The following PARD3B variants were observed in gnomAD, a reference collection of about 807,000 sequenced individuals.
PARD3B encodes the protein par-3 family cell polarity regulator beta, also known as partitioning defective 3 homolog B.
Under a neutral mutation model 130.2 loss-of-function variants are expected in PARD3B, and 103 were observed. The observed-to-expected ratio is 0.79, with a 90% CI of 0.67 to 0.93. The LOEUF (loss-of-function observed/expected upper bound fraction) is 0.93. Ranked by LOEUF, PARD3B falls within the 40% of genes least tolerant of loss-of-function variation. The pLI, the probability that PARD3B is intolerant of heterozygous loss-of-function variation, is 0.00. For missense variants in PARD3B, 1,609 were observed against 1,499.2 expected (o/e 1.07, Z -1.21); for synonymous variants, 583 against 553.2 (o/e 1.05, Z -0.76).
At chr2:204,680,139 G>A (rs1217121914) in intron 1 of PARD3B, among the ~76,000 whole-genome samples, 2 of 151,808 alleles carry the variant, frequency 1.3e-5, no homozygotes, top group Non-Finnish European at 2.9e-5. Flanking sequence ...TAAAAGATTG[G>A]CATTATTTGT....
intron 3 of PARD3B, among the ~76,000 whole-genome samples, chr2:204,977,076 T>C (rs1001879252): frequency 4.6e-5 from 7 of 152,184 alleles, no homozygotes; most frequent in African/African-American, 7.2e-5. Context: ...TTCAGACTTA[T>C]AAGTTAAATG....
At chr2:204,874,695 C>G (rs116023557) in intron 2 of PARD3B, among the ~76,000 whole-genome samples, 1,544 of 152,178 alleles carry the variant, frequency 0.01, 21 homozygotes, top group African/African-American at 0.034. Flanking sequence ...AGAGACGTAG[C>G]TGTTTTTCAT....
At chr2:204,919,872 A>G (rs2047597982) in intron 2 of PARD3B, among the ~76,000 whole-genome samples, 1 of 152,158 alleles carries the variant, frequency 6.6e-6, no homozygotes. Flanking sequence ...GAAAGGTTTT[A>G]GAAACATTTC....
intron 19 of PARD3B, among the ~76,000 whole-genome samples, chr2:205,419,285 T>C (rs752309320): frequency 2.3e-4 from 35 of 151,026 alleles, no homozygotes; most frequent in Non-Finnish European, 5.0e-4. Flanking sequence ...TTCTCTCTCT[T>C]TGCTGGCCAC....
chr2:205,308,604 C>CAAAAAAAAAAAAAAAAA (rs5837965), intron 18 of PARD3B, among the ~76,000 whole-genome samples: 1 of 113,284 alleles, frequency 8.8e-6, no homozygotes, highest in Non-Finnish European at 1.8e-5. Context: ...GACTCCGTCT[C>CAAAAAAAAAAAAAAAAA]AAAAAAAAAA....
At chr2:205,030,784 A>G (rs993862293) in intron 3 of PARD3B, among the ~76,000 whole-genome samples, 8 of 152,254 alleles carry the variant, frequency 5.3e-5, no homozygotes, top group African/African-American at 1.4e-4. Flanking sequence ...AAATTGTTTC[A>G]TGGCCACAGA....
chr2:205,093,086 C>T (rs1351916359), intron 4 of PARD3B, among the ~76,000 whole-genome samples: 1 of 152,074 alleles, frequency 6.6e-6, no homozygotes, highest in Admixed American at 6.5e-5. Context: ...AGCTGGCTGG[C>T]AACTTCGAAT....
chr2:205,004,895 A>C (rs1695128486), intron 3 of PARD3B, among the ~76,000 whole-genome samples: 2 of 152,132 alleles, frequency 1.3e-5, no homozygotes, highest in South Asian at 2.1e-4. Flanking sequence ...ATACTCTAGC[A>C]GTCCCTCTGC....
intron 3 of PARD3B, among the ~76,000 whole-genome samples, chr2:205,024,266 C>A (rs1382452478): frequency 6.8e-6 from 1 of 146,100 alleles, no homozygotes; most frequent in Non-Finnish European, 1.5e-5. Flanking sequence ...CTCCTGGGTA[C>A]AAGTGATTCT....
intron 3 of PARD3B, among the ~76,000 whole-genome samples, chr2:204,989,191 C>T (rs947825215): frequency 6.6e-5 from 10 of 152,126 alleles, no homozygotes; most frequent in Non-Finnish European, 1.2e-4. Context: ...GACGATTTTT[C>T]AAAGGAAGTG....
intron 1 of PARD3B, among the ~76,000 whole-genome samples, chr2:204,566,528 G>A (rs13024480): frequency 0.12 from 17,869 of 151,806 alleles, 1,409 homozygotes; most frequent in Non-Finnish European, 0.18. Flanking sequence ...CTACAACAAC[G>A]TTTGTCTTAT....
At chr2:205,304,164 G>T (rs1270313785) in intron 18 of PARD3B, among the ~76,000 whole-genome samples, 1 of 152,136 alleles carries the variant, frequency 6.6e-6, no homozygotes, top group Non-Finnish European at 1.5e-5. Context: ...TTAGCAGTGA[G>T]CCTTCCCGTT....
At chr2:205,252,836 G>A (rs2039907778) in intron 16 of PARD3B, among the ~76,000 whole-genome samples, 1 of 93,012 alleles carries the variant, frequency 1.1e-5, no homozygotes, top group African/African-American at 3.4e-5. Context: ...GAACCTGAAG[G>A]GACCCCCCCC....
At chr2:205,063,285 G>A (rs1033744218) in intron 4 of PARD3B, among the ~76,000 whole-genome samples, 1 of 151,478 alleles carries the variant, frequency 6.6e-6, no homozygotes, top group African/African-American at 2.4e-5. Flanking sequence ...AGTATCACAT[G>A]CACCCTCAAA....
chr2:204,681,385 A>G (rs1307629311), intron 1 of PARD3B, among the ~76,000 whole-genome samples: 3 of 152,000 alleles, frequency 2.0e-5, no homozygotes, highest in African/African-American at 4.8e-5. Context: ...CAGCATAAAA[A>G]CTCCGGGTCC....
chr2:205,081,941 T>C (rs1400871784), intron 4 of PARD3B, among the ~76,000 whole-genome samples: 1 of 152,068 alleles, frequency 6.6e-6, no homozygotes, highest in African/African-American at 2.4e-5. Context: ...TCTGAAAGAG[T>C]CTTTGTAGGA....
chr2:205,275,532 G>A (rs1024596826), intron 16 of PARD3B, among the ~76,000 whole-genome samples: 3 of 151,984 alleles, frequency 2.0e-5, no homozygotes, highest in Admixed American at 6.6e-5. Context: ...TGAAAATCAA[G>A]AGCTGTGGAT....
chr2:205,588,196 T>A (rs560048514), intron 22 of PARD3B, among the ~76,000 whole-genome samples: 91 of 152,358 alleles, frequency 6.0e-4, no homozygotes, highest in African/African-American at 2.1e-3. Flanking sequence ...AATTTTCTAA[T>A]TGAGTCATGA....
At position 205,321,436 on chromosome 2, in the gene PARD3B, G is replaced by A. The variant is rs1574693458; in HGVS notation, c.2630+19735G>A. 1.3e-5 allele frequency among the ~76,000 whole-genome samples: 2 copies of A among 151,906 alleles called. No individual in the cohort carries two copies. Among genetic ancestry groups the A allele is most frequent in the South Asian group, 4.1e-4 (2 of 4,820 alleles). ...TAGTAACATTTTTTCTGAATTAGCT[G>A]TAGCATTCTCTCTCTCTTTCTCTCT... On this transcript the variant is annotated intron_variant, in intron 18 of 22. Coordinates refer to ENST00000406610, the MANE Select transcript of PARD3B (RefSeq NM_001302769.2). The surrounding 1 kb of genome is among the most constrained non-coding windows in gnomAD (Gnocchi z 4.2).
Sources: allele counts gnomAD v4.1 joint callset (sites outside exome capture counted in the v4.1 genomes callset), GRCh38; gene constraint gnomAD v4.1.1; non-coding constraint Gnocchi (gnomAD v3.1); transcripts MANE v1.5; gene names NCBI Gene and HGNC (gene_info 2026-07-23, HGNC 2026-07-21).